Variants in ZFYVE26 observed in about 807,000 individuals in gnomAD.
ZFYVE26 encodes the protein zinc finger FYVE-type containing 26.
Under a neutral mutation model 276.5 loss-of-function variants are expected in ZFYVE26, and 181 were observed. The observed-to-expected ratio is 0.65, with a 90% confidence interval of 0.58 to 0.74. The LOEUF (loss-of-function observed/expected upper bound fraction) is 0.74. Ranked by LOEUF, ZFYVE26 falls within the 30% of genes least tolerant of loss-of-function variation. ZFYVE26 has a pLI of 0.00. For synonymous variants in ZFYVE26, 1,129 were observed against 1,203.1 expected (o/e 0.94, Z 1.27); for missense variants, 2,821 against 3,097.9 (o/e 0.91, Z 2.12).
Position 67,804,261 on chromosome 14 carries a change from G to A in ZFYVE26, c.1275C>T (p.Asn425=). The change falls in exon 9 of 42, where the codon AAC becomes AAT. Residue 425 remains asparagine, a synonymous_variant. Coordinates refer to ENST00000347230, the MANE Select transcript of ZFYVE26 (RefSeq NM_015346.4). ...VLEWCIQQSS[N]PIPKRDLLYH... ...ACAACAGATCTCTCTTTGGTATGGG[G>A]TTGCTGAATGGAAAAGTTGGGAGGA... is the stretch of plus-strand genomic sequence containing the variant. The A allele has an allele frequency of 6.2e-7, 1 of 1,614,196 alleles. No individual in the cohort carries two copies.
exon 14 of ZFYVE26, chr14:67,729,210 CGCA>C: frequency 3.7e-6 from 6 of 1,612,630 alleles, no homozygotes; most frequent in Non-Finnish European, 4.2e-6. Context: ...TCACCACCTA[CGCA>C]GTGCACCCAG....
intron 28 of ZFYVE26, chr14:67,770,036 C>T (rs4899224): frequency 9.2e-6 from 4 of 435,408 alleles, no homozygotes; most frequent in African/African-American, 2.0e-5. Flanking sequence ...AAGTCACTTT[C>T]TAAGCCAGTG....
Position 67,802,148 on chromosome 14 carries a change from AG to A in ZFYVE26, c.1569del (p.Cys524AlafsTer90). ...AGGTCCTCAGAGAGGCTGTCTTTGC[AG>A]TCCTGGCACTGGGAGTGCTGGTGTG... ...VNSHQHSQCQ[D>X]CKDSLSEDLA... On this transcript the variant is annotated frameshift_variant, in exon 10 of 42. Transcript: ENST00000347230. LOFTEE classifies it high-confidence loss of function. The A allele has an allele frequency of 1.9e-6, 3 of 1,614,098 alleles. No homozygotes were observed. Among genetic ancestry groups the A allele is most frequent in the Non-Finnish European group, 2.5e-6 (3 of 1,180,032 alleles).
intron 33 of ZFYVE26, 69 bp from the exon 34 acceptor site, chr14:67,762,481 T>C (rs1464698999): frequency 1.2e-5 from 19 of 1,557,448 alleles, no homozygotes; most frequent in Non-Finnish European, 1.6e-5. Context: ...AAAGACCTAT[T>C]CTATTCCCAA....
chr14:67,744,681 G>A (rs909851363), downstream of ZFYVE26, among the ~76,000 whole-genome samples: 3 of 152,150 alleles, frequency 2.0e-5, no homozygotes, highest in Non-Finnish European at 4.4e-5. Flanking sequence ...TTCTGTTCTT[G>A]TGTTAGTTTG....
Position 67,815,889 on chromosome 14 carries a change from C to T in ZFYVE26, c.75G>A (p.Arg25=), listed in dbSNP as rs778346433. 1.9e-6 allele frequency: 3 copies of T among 1,614,138 alleles called. No homozygotes were observed. Among genetic ancestry groups the T allele is most frequent in the Non-Finnish European group, 1.7e-6 (2 of 1,180,014 alleles). The change falls in exon 2 of 42, where the codon CGG becomes CGA. Residue 25 remains arginine (R), a synonymous_variant. Transcript: ENST00000347230. The part of the protein sequence containing the change: ...QLFGFFCECL[R]RGEWELAQAC... The stretch of plus-strand genomic sequence containing the variant: ...CCTGTGCCAGCTCCCATTCTCCCCT[C>T]CGCAGGCATTCGCAGAAAAATCCAA...
intron 30 of ZFYVE26, 29 bp downstream of exon 30, chr14:67,768,488 G>C: frequency 1.9e-6 from 3 of 1,612,694 alleles, no homozygotes; most frequent in Middle Eastern, 1.6e-4. Context: ...CACAAATGAA[G>C]AGTCACAGAG....
intron 10 of ZFYVE26, chr14:67,799,081 C>A (rs189762100): frequency 2.1e-4 from 256 of 1,198,832 alleles, no homozygotes; most frequent in Admixed American, 1.4e-3. Context: ...GAACAGTGGA[C>A]GAGGACTCTC....
At chr14:67,816,276 C>G (rs189767554) in intron 1 of ZFYVE26, among the ~76,000 whole-genome samples, 18 of 152,282 alleles carry the variant, frequency 1.2e-4, no homozygotes, top group Admixed American at 4.6e-4. Flanking sequence ...CGGGCGCAGA[C>G]CCATAACTCT....
Position 67,748,566 on chromosome 14 carries a change from G to A in ZFYVE26, c.7490C>T (p.Ala2497Val). 6.2e-7 allele frequency: 1 copy of A among 1,614,140 alleles called. No homozygotes were observed. Among genetic ancestry groups the A allele is most frequent in the Non-Finnish European group, 8.5e-7 (1 of 1,180,032 alleles). The change falls in exon 42 of 42, where the codon GCC becomes GTC. Residue 2497 changes from alanine to valine, a missense_variant. Transcript: ENST00000347230. ...LIAVKQEHSR[A>V]TALVQQVQQA... Reference sequence around the variant, plus strand: ...CTGCACCTGCTGGACAAGGGCTGTGGCCCGTGAGTGTTCTTGCTTCACAGC... The same window carrying A: ...CTGCACCTGCTGGACAAGGGCTGTGACCCGTGAGTGTTCTTGCTTCACAGC...
intron 36 of ZFYVE26, among the ~76,000 whole-genome samples, chr14:67,755,632 T>G (rs1200726023): frequency 6.6e-6 from 1 of 152,232 alleles, no homozygotes; most frequent in Admixed American, 6.5e-5. Context: ...CACTAACGTT[T>G]CCATCATTCC....
chr14:67,737,667 A>C (rs1403085379), intron 13 of ZFYVE26, among the ~76,000 whole-genome samples: 1 of 152,190 alleles, frequency 6.6e-6, no homozygotes, highest in Admixed American at 6.5e-5. Flanking sequence ...GTATATGTAT[A>C]TATGACCTAT....
intron 7 of ZFYVE26, 49 bp downstream of exon 7, chr14:67,805,405 C>A: frequency 6.2e-7 from 1 of 1,613,914 alleles, no homozygotes; most frequent in Non-Finnish European, 8.5e-7. Flanking sequence ...AGCCCGAAGC[C>A]CCACGTCTCT....
chr14:67,748,283 C>T lies in ZFYVE26; in HGVS notation c.*153G>A. 2 of 810,948 alleles carry T rather than the reference C, an allele frequency of 2.5e-6. No homozygotes were observed. Among genetic ancestry groups the T allele is most frequent in the Non-Finnish European group, 1.9e-6 (1 of 522,512 alleles). The allele number at this position is 810,948 out of a possible 1,614,324, so 50.2% of individuals were successfully genotyped here. A position where few individuals can be genotyped will look rare whatever the true frequency, so the allele number is the denominator to read the frequency against. On this transcript the variant is annotated 3_prime_UTR_variant, in exon 42 of 42. Transcript: ENST00000347230. ...ACTTGCGTGAAAGGTCCTATCCTTGCCCGGGAAGGCAAGTAGGGTCCAATC... is the reference window on the plus strand; with the variant it reads ...ACTTGCGTGAAAGGTCCTATCCTTGTCCGGGAAGGCAAGTAGGGTCCAATC...
At position 67,786,122 on chromosome 14, in the gene ZFYVE26, G is replaced by C; in HGVS notation, c.3131C>G (p.Thr1044Ser). 1 of 1,614,140 alleles carries C rather than the reference G, an allele frequency of 6.2e-7. No individual in the cohort carries two copies. Among genetic ancestry groups the C allele is most frequent in the Non-Finnish European group, 8.5e-7 (1 of 1,180,024 alleles). ...AGAAAAAAGCAACTCACCTGATTTGGTTTGACTGGCTGACATAAGCAGATA... is the reference window on the plus strand; with the variant it reads ...AGAAAAAAGCAACTCACCTGATTTGCTTTGACTGGCTGACATAAGCAGATA... Reference protein sequence around the residue: ...LNYLLMSASQTKSESVEEKGG... With the variant: ...LNYLLMSASQSKSESVEEKGG... Residue 1044 changes from threonine to serine, a missense_variant, in exon 17 of 42, where the codon ACC becomes AGC. Physicochemically the swap from Thr to Ser is moderately conservative, Grantham distance 58. Coordinates refer to ENST00000347230, the MANE Select transcript of ZFYVE26 (RefSeq NM_015346.4).
At chr14:67,744,395 T>C, downstream of ZFYVE26, among the ~76,000 whole-genome samples, 1 of 152,206 alleles carries the variant, frequency 6.6e-6, no homozygotes, top group African/African-American at 2.4e-5. Context: ...TTTTAATTTT[T>C]AAATTTATTT....
chr14:67,793,099 A>C (rs2140237068), intron 14 of ZFYVE26, among the ~76,000 whole-genome samples: 1 of 151,986 alleles, frequency 6.6e-6, no homozygotes, highest in Non-Finnish European at 1.5e-5. Flanking sequence ...GTCTCTACTA[A>C]AAATACAAAA....
intron 35 of ZFYVE26, among the ~76,000 whole-genome samples, chr14:67,760,563 C>A (rs1478255800): frequency 6.6e-6 from 1 of 152,036 alleles, no homozygotes; most frequent in Non-Finnish European, 1.5e-5. Context: ...ATGGAACATT[C>A]AGATAAAAAA....
At chr14:67,768,591 C>T (rs2039121226) in intron 29 of ZFYVE26, 43 bp from the exon 30 acceptor site, 1 of 1,603,780 alleles carries the variant, frequency 6.2e-7, no homozygotes, top group South Asian at 1.1e-5. Flanking sequence ...ATGCCTGAGT[C>T]ACTTCTTTGT....
Sources: gnomAD v4.1 joint callset for allele counts (sites outside exome capture counted in the v4.1 genomes callset) on GRCh38, gnomAD v4.1.1 for gene constraint, MANE v1.5 for transcripts, NCBI Gene and HGNC (gene_info 2026-07-23, HGNC 2026-07-21) for gene names.